POM121: variants seen among roughly 807,000 people sequenced by gnomAD.
POM121 encodes the protein nuclear envelope pore membrane protein POM 121.
Under a neutral mutation model 81.3 loss-of-function variants are expected in POM121, and 32 were observed. The observed-to-expected ratio is 0.39, with a 90% CI of 0.30 to 0.53. The LOEUF is 0.53. POM121 is among the 20% of genes least tolerant of loss of function. The pLI is 0.66. For synonymous variants in POM121, 514 were observed against 694.2 expected, an observed-to-expected ratio of 0.74 and a Z score of 4.08; for missense variants, 1,138 against 1,614.6, an observed-to-expected ratio of 0.70 and a Z score of 5.06.
intron 5 of POM121, among the ~76,000 whole-genome samples, chr7:72,934,658 T>C (rs531305667): frequency 2.5e-4 from 38 of 152,210 alleles, no homozygotes; most frequent in Non-Finnish European, 4.9e-4. Context: ...AATTTTTGTA[T>C]ATGGTGTGAG....
upstream of POM121, chr7:72,924,294 A>G (rs1351510415): frequency 6.6e-6 from 1 of 152,218 alleles, no homozygotes; most frequent in Non-Finnish European, 1.5e-5. Context: ...ACAGTTTCTA[A>G]AGATCAGAGA....
chr7:72,937,982 G>A (rs1339996535), intron 5 of POM121, among the ~76,000 whole-genome samples: 4 of 152,118 alleles, frequency 2.6e-5, no homozygotes, highest in Non-Finnish European at 4.4e-5. Context: ...AGTTTACTGG[G>A]TTATCTTCTT....
chr7:72,941,584 T>G (rs1204959777), intron 10 of POM121, among the ~76,000 whole-genome samples: 1 of 150,690 alleles, frequency 6.6e-6, no homozygotes, highest in Admixed American at 6.6e-5. Context: ...TTCAGACAAT[T>G]GGACTGTCTT....
At chr7:72,887,339 C>G (rs1487049760) in intron 1 of POM121, among the ~76,000 whole-genome samples, 4 of 151,846 alleles carry the variant, frequency 2.6e-5, no homozygotes, top group Admixed American at 6.6e-5. Flanking sequence ...TGGACTGATT[C>G]TTTTCTTCCT....
Position 72,942,543 on chromosome 7 carries a change from C to T in POM121, c.2550C>T (p.Thr850=). ...GTGTGAGCAGCAGCAGTGTGAGTACCACGACCAGCACCGCCACTGCCGCCT... is the reference window on the plus strand; with the variant it reads ...GTGTGAGCAGCAGCAGTGTGAGTACTACGACCAGCACCGCCACTGCCGCCT... ...INSVSSSSVS[T]TTSTATAASQ... Residue 850 remains threonine (T), a synonymous_variant, in exon 11 of 13, where the codon ACC becomes ACT. Coordinates refer to ENST00000434423, the MANE Select transcript of POM121 (RefSeq NM_001387691.1). 2 of 889,070 alleles carry T rather than the reference C, an allele frequency of 2.2e-6. No homozygotes were observed. Among genetic ancestry groups the T allele is most frequent in the Admixed American group, 2.5e-5 (1 of 40,588 alleles). The allele number at this position is 889,070 out of a possible 1,614,324, so 55.1% of individuals were successfully genotyped here.
At chr7:72,882,318 AACATTGGGGATT>A (rs1790242051) in intron 1 of POM121, among the ~76,000 whole-genome samples, 1 of 152,206 alleles carries the variant, frequency 6.6e-6, no homozygotes, top group African/African-American at 2.4e-5. Context: ...AGGAAGAGGG[AACATTGGGGATT>A]ACAATTGGAC....
chr7:72,932,975 C>T (rs1796164360), intron 5 of POM121, among the ~76,000 whole-genome samples: 1 of 151,388 alleles, frequency 6.6e-6, no homozygotes, highest in Non-Finnish European at 1.5e-5. Context: ...TATCAGGAAC[C>T]TGGGAGGCAG....
downstream of POM121, chr7:72,950,047 C>T (rs1554504474): frequency 6.5e-7 from 1 of 1,550,282 alleles, no homozygotes; most frequent in East Asian, 2.2e-5. Flanking sequence ...TTTTCTATTC[C>T]TCTTGCCTAC....
intron 5 of POM121, among the ~76,000 whole-genome samples, chr7:72,938,131 T>G (rs1796692438): frequency 6.6e-6 from 1 of 152,306 alleles, no homozygotes; most frequent in South Asian, 2.1e-4. Flanking sequence ...ATTCCATTAC[T>G]TTTATAGACT....
At position 72,925,625 on chromosome 7, in the gene POM121, C is replaced by T; in HGVS notation, c.504C>T (p.Ala168=). The change falls in exon 1 of 13, where the codon GCC becomes GCT. Residue 168 remains alanine, a synonymous_variant. Transcript: ENST00000434423. ...ATAGGCCTGGCCGCCGCCCACCTGCCCGCCCGGCGCCGCGCTCCCCACCGC... is the reference window on the plus strand; with the variant it reads ...ATAGGCCTGGCCGCCGCCCACCTGCTCGCCCGGCGCCGCGCTCCCCACCGC... ...LRDRPGRRPP[A]RPAPRSPPPR... 6.9e-6 allele frequency: 9 copies of T among 1,303,918 alleles called. No individual in the cohort carries two copies. Among genetic ancestry groups the T allele is most frequent in the Non-Finnish European group, 8.7e-6 (9 of 1,035,656 alleles). 80.8% of individuals were successfully genotyped at this position (1,303,918 alleles called of 1,614,324 possible). A position where few individuals can be genotyped will look rare whatever the true frequency, so the allele number is the denominator to read the frequency against.
chr7:72,923,113 A>ACCCCC (rs376744233), upstream of POM121, among the ~76,000 whole-genome samples: 18 of 80,762 alleles, frequency 2.2e-4, no homozygotes, highest in South Asian at 9.2e-4. Context: ...CTCCCCCCCA[A>ACCCCC]CCCCCCCCCC....
intron 3 of POM121, among the ~76,000 whole-genome samples, chr7:72,898,630 C>G (rs1554492089): frequency 6.6e-6 from 1 of 151,920 alleles, no homozygotes; most frequent in Non-Finnish European, 1.5e-5. Context: ...AATCCTGTCT[C>G]TACTAAAAAT....
Position 72,925,573 on chromosome 7 carries a change from C to T in POM121, c.452C>T (p.Ala151Val), listed in dbSNP as rs1795326302. ...LGKPGPPQPA[A>V]APEGQDLRDR... ...AAGCCCGGGCCGCCGCAGCCCGCCGCCGCTCCGGAGGGCCAGGACCTGCGG... is the reference window on the plus strand; with the variant it reads ...AAGCCCGGGCCGCCGCAGCCCGCCGTCGCTCCGGAGGGCCAGGACCTGCGG... Residue 151 changes from alanine to valine, a missense_variant, in exon 1 of 13, where the codon GCC becomes GTC. This residue lies in a region of POM121 where 646 missense variants were observed against 633.5 expected (regional missense o/e 1.02). Transcript: ENST00000434423. The T allele has an allele frequency of 9.1e-6, 14 of 1,531,744 alleles. No homozygotes were observed. The highest frequency in any genetic ancestry group is 1.2e-5 in the Non-Finnish European group (14 of 1,145,780). 94.9% of individuals were successfully genotyped at this position (1,531,744 alleles called of 1,614,324 possible). A position where few individuals can be genotyped will look rare whatever the true frequency, so the allele number is the denominator to read the frequency against.
chr7:72,945,562 A>G, intron 11 of POM121, 24 bp from the exon 12 acceptor site: 2 of 1,613,128 alleles, frequency 1.2e-6, no homozygotes, highest in South Asian at 2.2e-5. Context: ...CTCACTGGCC[A>G]GCTCTCTGTT....
chr7:72,890,614 G>C, intron 1 of POM121: 2 of 1,599,474 alleles, frequency 1.3e-6, no homozygotes, highest in Non-Finnish European at 1.7e-6. Context: ...TTCTGATCAT[G>C]TTGCCATTAC....
intron 3 of POM121, among the ~76,000 whole-genome samples, chr7:72,906,137 A>G (rs1554493391): frequency 2.0e-5 from 3 of 152,210 alleles, no homozygotes; most frequent in Non-Finnish European, 2.9e-5. Context: ...GCAGTCAGCC[A>G]GCCACCTAAC....
At chr7:72,893,050 C>A (rs561383370) in intron 3 of POM121, among the ~76,000 whole-genome samples, 1 of 152,096 alleles carries the variant, frequency 6.6e-6, no homozygotes, top group African/African-American at 2.4e-5. Context: ...CCTCTGCCTC[C>A]CAGGTTCAAG....
At chr7:72,884,933 A>G (rs2129574472) in intron 1 of POM121, among the ~76,000 whole-genome samples, 1 of 152,206 alleles carries the variant, frequency 6.6e-6, no homozygotes, top group Admixed American at 6.5e-5. Context: ...TTTTATCTAA[A>G]CTATAGTTCA....
chr7:72,902,783 A>C (rs1434037047), intron 3 of POM121, among the ~76,000 whole-genome samples: 1 of 151,830 alleles, frequency 6.6e-6, no homozygotes, highest in Non-Finnish European at 1.5e-5. Flanking sequence ...GCCTGCCTCA[A>C]CCTCCCAAAG....
Sources: gnomAD v4.1 joint callset for allele counts (sites outside exome capture counted in the v4.1 genomes callset) on GRCh38, gnomAD v4.1.1 for gene constraint, gnomAD v4.1.1 regional missense constraint, MANE v1.5 for transcripts, NCBI Gene and HGNC (gene_info 2026-07-23, HGNC 2026-07-21) for gene names.